Variants in RYK observed in about 807,000 individuals in gnomAD.
The protein encoded by RYK is receptor like tyrosine kinase.
In RYK, 21 loss-of-function variants were observed where a neutral mutation model predicts 70.2. That is an observed-to-expected ratio of 0.30 (90% CI 0.21 to 0.43). The LOEUF (loss-of-function observed/expected upper bound fraction) is 0.43. Among genes scored for constraint, RYK ranks in the 20% least tolerant of loss-of-function variants. The pLI is 1.00. For synonymous variants in RYK, 267 were observed against 278.0 expected, an observed-to-expected ratio of 0.96 and a Z score of 0.39; for missense variants, 604 against 753.3, an observed-to-expected ratio of 0.80 and a Z score of 2.32.
chr3:134,172,762 A>AT (rs1420374317), intron 13 of RYK, among the ~76,000 whole-genome samples: 2 of 152,078 alleles, frequency 1.3e-5, no homozygotes, highest in Non-Finnish European at 2.9e-5. Context: ...CTAGAGAGAG[A>AT]TTTTTTCTTT....
intron 9 of RYK, among the ~76,000 whole-genome samples, chr3:134,188,398 G>A (rs950698090): frequency 2.6e-5 from 4 of 151,966 alleles, no homozygotes; most frequent in Non-Finnish European, 5.9e-5. Context: ...CTGACCTCAG[G>A]TGATCTGGCC....
At chr3:134,217,221 T>A (rs1302927366) in intron 2 of RYK, among the ~76,000 whole-genome samples, 1 of 152,232 alleles carries the variant, frequency 6.6e-6, no homozygotes, top group East Asian at 1.9e-4. Flanking sequence ...AGCAAATATT[T>A]CATCTTCTGG....
chr3:134,240,364 T>C (rs1350701939), intron 1 of RYK, among the ~76,000 whole-genome samples: 3 of 152,180 alleles, frequency 2.0e-5, no homozygotes, highest in Non-Finnish European at 4.4e-5. Flanking sequence ...CAGAGATTCA[T>C]TATATTATTA....
At chr3:134,221,203 T>TTTC (rs2014725290) in intron 2 of RYK, among the ~76,000 whole-genome samples, 1 of 123,514 alleles carries the variant, frequency 8.1e-6, no homozygotes, top group Non-Finnish European at 1.7e-5. Context: ...TTTCTTTTTT[T>TTTC]TTTTTTTTTT....
chr3:134,177,818 C>G (rs927258921), intron 11 of RYK, 123 bp downstream of exon 11: 3 of 781,208 alleles, frequency 3.8e-6, no homozygotes, highest in Non-Finnish European at 6.0e-6. Flanking sequence ...TCTTGTGGTT[C>G]ATTTTGAGGT....
chr3:134,243,061 A>G (rs1211052992), intron 1 of RYK, among the ~76,000 whole-genome samples: 1 of 151,964 alleles, frequency 6.6e-6, no homozygotes, highest in African/African-American at 2.4e-5. Flanking sequence ...GACACCTTCA[A>G]CCCTCCACCC....
At chr3:134,246,351 G>GAA in intron 1 of RYK, among the ~76,000 whole-genome samples, 1 of 130,616 alleles carries the variant, frequency 7.7e-6, no homozygotes, top group African/African-American at 3.0e-5. Context: ...CACAGAGAGA[G>GAA]AGAAAATAAA....
At chr3:134,183,864 T>A (rs2013379622) in intron 9 of RYK, among the ~76,000 whole-genome samples, 1 of 152,216 alleles carries the variant, frequency 6.6e-6, no homozygotes, top group Admixed American at 6.5e-5. Flanking sequence ...AGATATGTAC[T>A]GACAGAGGAC....
At chr3:134,160,066 G>A (rs1045340531) in intron 13 of RYK, among the ~76,000 whole-genome samples, 2 of 152,184 alleles carry the variant, frequency 1.3e-5, no homozygotes, top group African/African-American at 4.8e-5. Flanking sequence ...TGGCTGGGAA[G>A]GACTCAGATC....
rs140425687 is a variant in RYK, at chr3:134,239,981, T to G, written c.232+10442A>C. 1.3e-3 allele frequency among the ~76,000 whole-genome samples: 202 copies of G among 152,294 alleles called. 1 individual carries two copies. In the South Asian group the frequency reaches 0.022, roughly 17 times the overall value. On this transcript the variant is annotated intron_variant, in intron 1 of 14. Coordinates refer to ENST00000623711, the MANE Select transcript of RYK (RefSeq NM_002958.4). Reference sequence around the variant, plus strand: ...GTAGACTCCAGGGTGAGAAGGAGTCTGGCACCAAGGGAACTGAGTGGTGCA... The same window carrying G: ...GTAGACTCCAGGGTGAGAAGGAGTCGGGCACCAAGGGAACTGAGTGGTGCA...
At position 134,219,482 on chromosome 3, in the gene RYK, G is replaced by A. The variant is rs182127884; in HGVS notation, c.354+2936C>T. ...ATCAGCATTCTTTTTTCCTAAGTGTGCCCAGAAATATTCACACTCTGTTCA... is the reference window on the plus strand; with the variant it reads ...ATCAGCATTCTTTTTTCCTAAGTGTACCCAGAAATATTCACACTCTGTTCA... On this transcript the variant is annotated intron_variant, in intron 2 of 14. Transcript: ENST00000623711. Among the ~76,000 whole-genome samples the A allele has an allele frequency of 2.5e-4, 38 of 152,212 alleles. No individual in the cohort carries two copies. The East Asian group carries it at 4.4e-3, about 18-fold the overall frequency.
chr3:134,165,718 A>C (rs2012643001), intron 13 of RYK, among the ~76,000 whole-genome samples: 2 of 152,182 alleles, frequency 1.3e-5, no homozygotes, highest in South Asian at 4.1e-4. Flanking sequence ...ATTATTCTTG[A>C]GTCCTAAGGT....
intron 5 of RYK, among the ~76,000 whole-genome samples, chr3:134,204,700 C>T (rs2014152089): frequency 6.6e-6 from 1 of 151,504 alleles, no homozygotes; most frequent in African/African-American, 2.4e-5. Flanking sequence ...AAGATGCAAA[C>T]AGAAGTAGAA....
Position 134,202,844 on chromosome 3 carries a change from G to T in RYK, c.674C>A (p.Ser225Tyr). The T allele has an allele frequency of 6.2e-7, 1 of 1,613,714 alleles. No individual in the cohort carries two copies. Residue 225 changes from serine (S) to tyrosine (Y), a missense_variant, in exon 6 of 15, where the codon TCT (serine) becomes TAT (tyrosine). This residue lies in a region of RYK where 466 missense variants were observed against 535.9 expected (regional missense o/e 0.87). Transcript: ENST00000623711. ...YDPVHAAPTT[S>Y]TRVFYISVGV... ...TACACTAATATAAAACACACGCGTA[G>T]AAGTGGTTGGAGCTGCATGTACAGG...
intron 6 of RYK, among the ~76,000 whole-genome samples, chr3:134,198,534 G>A (rs2013886241): frequency 6.6e-6 from 1 of 152,204 alleles, no homozygotes; most frequent in South Asian, 2.1e-4. Context: ...GGCAGGACAA[G>A]TGCCTGTTTA....
chr3:134,184,756 C>T (rs1001672090), intron 9 of RYK, among the ~76,000 whole-genome samples: 1 of 151,612 alleles, frequency 6.6e-6, no homozygotes, highest in African/African-American at 2.4e-5. Flanking sequence ...CAGAGCAAGA[C>T]CCTGTCTCCC....
intron 10 of RYK, chr3:134,180,460 A>G (rs2013259196): frequency 6.6e-6 from 1 of 152,210 alleles, no homozygotes; most frequent in Admixed American, 6.5e-5. Context: ...ACCACAAGGT[A>G]AAATCTAAAA....
chr3:134,222,608 C>T, intron 1 of RYK, 69 bp from the exon 2 acceptor site: 1 of 1,266,590 alleles, frequency 7.9e-7, no homozygotes, highest in Non-Finnish European at 1.1e-6. Flanking sequence ...ATCAGTATTT[C>T]AAATACAAAT....
At chr3:134,236,088 T>C (rs1004501992) in intron 1 of RYK, among the ~76,000 whole-genome samples, 1 of 151,994 alleles carries the variant, frequency 6.6e-6, no homozygotes, top group African/African-American at 2.4e-5. Context: ...TAATATCCCT[T>C]TGGGATAAAG....
Sources: allele counts gnomAD v4.1 joint callset (sites outside exome capture counted in the v4.1 genomes callset), GRCh38; gene constraint gnomAD v4.1.1; regional missense constraint gnomAD v4.1.1; transcripts MANE v1.5; gene names NCBI Gene and HGNC (gene_info 2026-07-23, HGNC 2026-07-21).